The following DENND6A variants were observed in gnomAD, a reference collection of about 807,000 sequenced individuals.
DENND6A encodes the protein protein DENND6A.
A neutral mutation model predicts 95.5 loss-of-function variants in DENND6A; 43 were observed. The observed-to-expected ratio is 0.45, with a 90% confidence interval of 0.35 to 0.58. The LOEUF (loss-of-function observed/expected upper bound fraction) is 0.58, where lower values mean the gene tolerates loss of function less well. DENND6A is among the 20% of genes least tolerant of loss of function. The pLI, the probability that DENND6A is intolerant of heterozygous loss-of-function variation, is 0.00. For missense variants in DENND6A, 574 were observed against 736.0 expected (o/e 0.78, Z 2.55); for synonymous variants, 257 against 260.4 (o/e 0.99, Z 0.13).
intron 1 of DENND6A, among the ~76,000 whole-genome samples, chr3:57,691,820 G>A (rs2077268271): frequency 6.6e-6 from 1 of 152,022 alleles, no homozygotes; most frequent in Admixed American, 6.6e-5. Context: ...AAAGCCTTTC[G>A]GTAAGGGGCC....
At chr3:57,672,807 T>A (rs556215656) in intron 1 of DENND6A, among the ~76,000 whole-genome samples, 134 of 150,348 alleles carry the variant, frequency 8.9e-4, no homozygotes, top group African/African-American at 2.0e-3. Context: ...AACAAAAAAA[T>A]ATATATATAT....
intron 12 of DENND6A, among the ~76,000 whole-genome samples, chr3:57,638,702 T>G (rs535552261): frequency 4.8e-4 from 73 of 151,528 alleles, no homozygotes; most frequent in African/African-American, 1.6e-3. Flanking sequence ...AAATGGCCAA[T>G]AAACAATGGA....
intron 1 of DENND6A, among the ~76,000 whole-genome samples, chr3:57,679,761 A>G (rs2077144356): frequency 6.6e-6 from 1 of 152,180 alleles, no homozygotes; most frequent in South Asian, 2.1e-4. Context: ...TATGTAGGGG[A>G]TTGTGGGCTA....
At chr3:57,643,590 G>A (rs1303740884) in intron 11 of DENND6A, among the ~76,000 whole-genome samples, 1 of 152,054 alleles carries the variant, frequency 6.6e-6, no homozygotes. Flanking sequence ...CACTTTGGGA[G>A]GCTGAGGCGG....
intron 1 of DENND6A, among the ~76,000 whole-genome samples, chr3:57,686,051 C>G (rs2077209053): frequency 6.6e-6 from 1 of 152,022 alleles, no homozygotes; most frequent in Non-Finnish European, 1.5e-5. Flanking sequence ...CCCCAGAATC[C>G]TCATATGTAA....
intron 1 of DENND6A, among the ~76,000 whole-genome samples, chr3:57,686,745 G>C (rs2077214706): frequency 6.6e-6 from 1 of 152,104 alleles, no homozygotes; most frequent in Non-Finnish European, 1.5e-5. Context: ...CATGTGTTCT[G>C]ACAGCTCCAC....
chr3:57,672,586 C>A, intron 1 of DENND6A, 148 bp from the exon 2 acceptor site: 1 of 724,416 alleles, frequency 1.4e-6, no homozygotes, highest in Non-Finnish European at 2.3e-6. Flanking sequence ...TGTTTAAGAC[C>A]AACCTGGCCA....
chr3:57,630,716 G>A lies in DENND6A; in HGVS notation c.1516C>T (p.Arg506Trp), dbSNP rs183284952. ...GTAAAACAGGGAAAAAAGACTAACC[G>A]GTAAAGTCCAATCCAATCGCCTTTT... ...RIKGDWIGLY[R>W]HFLKSPNFDG... Residue 506 changes from arginine to tryptophan, a missense_variant and splice_region_variant, in exon 17 of 20, where the codon CGG becomes TGG. Arg to Trp is a moderately radical substitution (Grantham distance 101, BLOSUM62 -3). This residue lies in a region of DENND6A where 452 missense variants were observed against 630.9 expected (regional missense o/e 0.72). Coordinates refer to ENST00000311128, the MANE Select transcript of DENND6A (RefSeq NM_152678.3). The A allele has an allele frequency of 1.3e-4, 214 of 1,611,398 alleles. No individual in the cohort carries two copies. The highest frequency in any genetic ancestry group is 3.4e-4 in the South Asian group (31 of 90,292).
rs1474450378 is a variant in DENND6A, at chr3:57,679,537, T to C, written c.238-7099A>G. 3.0e-6 allele frequency: 3 copies of C among 985,290 alleles called. No individual in the cohort carries two copies. The East Asian group carries it at 3.4e-4, about 112-fold the overall frequency. The allele number at this position is 985,290 out of a possible 1,614,324, so 61.0% of individuals were successfully genotyped here. A position where few individuals can be genotyped will look rare whatever the true frequency, so the allele number is the denominator to read the frequency against. On this transcript the variant is annotated intron_variant, in intron 1 of 19. Transcript: ENST00000311128. ...ATACAGCTCTGCATCTTCAAACTCTTAAGAGGCAGTGGGGAAGGATGGAAA... is the reference window on the plus strand; with the variant it reads ...ATACAGCTCTGCATCTTCAAACTCTCAAGAGGCAGTGGGGAAGGATGGAAA...
intron 19 of DENND6A, 41 bp from the exon 20 acceptor site, chr3:57,628,386 A>G: frequency 6.2e-7 from 1 of 1,601,378 alleles, no homozygotes; most frequent in South Asian, 1.1e-5. Flanking sequence ...TTATCCTCAG[A>G]ATCTGTATTA....
At chr3:57,674,299 G>C (rs1196292070) in intron 1 of DENND6A, among the ~76,000 whole-genome samples, 2 of 151,986 alleles carry the variant, frequency 1.3e-5, no homozygotes, top group East Asian at 3.9e-4. Flanking sequence ...CGTGAACCTG[G>C]GAGGTGGAGG....
intron 15 of DENND6A, among the ~76,000 whole-genome samples, chr3:57,632,148 C>T (rs1297091309): frequency 6.6e-6 from 1 of 150,790 alleles, no homozygotes; most frequent in Non-Finnish European, 1.5e-5. Flanking sequence ...GCCTCTAGAG[C>T]AGCTGGGACT....
intron 9 of DENND6A, 106 bp from the exon 10 acceptor site, chr3:57,646,544 G>A: frequency 7.1e-7 from 1 of 1,404,452 alleles, no homozygotes; most frequent in East Asian, 2.6e-5. Context: ...AATTCTTCCT[G>A]CTATTTGTAT....
intron 1 of DENND6A, among the ~76,000 whole-genome samples, chr3:57,676,911 C>T (rs2071718543): frequency 6.6e-6 from 1 of 152,128 alleles, no homozygotes; most frequent in African/African-American, 2.4e-5. Flanking sequence ...GCAACCTCCA[C>T]CTCCCAGGTT....
intron 1 of DENND6A, among the ~76,000 whole-genome samples, chr3:57,680,198 GA>G (rs1160896101): frequency 1.3e-5 from 2 of 152,166 alleles, no homozygotes; most frequent in Non-Finnish European, 2.9e-5. Flanking sequence ...ACTCTTGGAA[GA>G]AAACAGTAAT....
intron 11 of DENND6A, among the ~76,000 whole-genome samples, chr3:57,644,817 AG>A (rs2071041577): frequency 2.9e-5 from 1 of 34,662 alleles, no homozygotes; most frequent in African/African-American, 1.4e-4. Flanking sequence ...AGGGGAGGGG[AG>A]GGGGAAAGAC....
chr3:57,671,560 GA>G (rs2071618587), intron 3 of DENND6A, among the ~76,000 whole-genome samples: 1 of 151,876 alleles, frequency 6.6e-6, no homozygotes, highest in African/African-American at 2.4e-5. Context: ...ACCACAAAAG[GA>G]AAGAAAACTA....
intron 12 of DENND6A, among the ~76,000 whole-genome samples, chr3:57,638,635 C>A (rs1253153316): frequency 1.3e-5 from 2 of 151,752 alleles, no homozygotes; most frequent in Non-Finnish European, 2.9e-5. Context: ...TCCAGCCAGG[C>A]AACAGGGTGA....
At chr3:57,674,303 G>A (rs1050882676) in intron 1 of DENND6A, among the ~76,000 whole-genome samples, 1 of 151,958 alleles carries the variant, frequency 6.6e-6, no homozygotes, top group African/African-American at 2.4e-5. Flanking sequence ...AACCTGGGAG[G>A]TGGAGGTTGC....
Sources: gnomAD v4.1 joint callset for allele counts (sites outside exome capture counted in the v4.1 genomes callset) on GRCh38, gnomAD v4.1.1 for gene constraint, gnomAD v4.1.1 regional missense constraint, MANE v1.5 for transcripts, NCBI Gene and HGNC (gene_info 2026-07-23, HGNC 2026-07-21) for gene names.